Variants in EPB41L3 observed in about 807,000 individuals in gnomAD.
EPB41L3 encodes band 4.1-like protein 3.
Under a neutral mutation model 127.1 loss-of-function variants are expected in EPB41L3, and 57 were observed. That is an observed-to-expected ratio of 0.45 (90% CI 0.36 to 0.56). The LOEUF (loss-of-function observed/expected upper bound fraction) is 0.56. EPB41L3 is among the 20% of genes least tolerant of loss of function. The pLI is 0.00. For missense variants in EPB41L3, 1,273 were observed against 1,372.2 expected (o/e 0.93, Z 1.14); for synonymous variants, 572 against 549.5 (o/e 1.04, Z -0.57).
chr18:5,502,810 A>AGG (rs1478969272), intron 1 of EPB41L3, among the ~76,000 whole-genome samples: 1 of 152,240 alleles, frequency 6.6e-6, no homozygotes, highest in Non-Finnish European at 1.5e-5. Flanking sequence ...GGAAAAAATG[A>AGG]GGATACAGAG....
intron 9 of EPB41L3, among the ~76,000 whole-genome samples, chr18:5,427,174 T>C (rs1326601381): frequency 1.3e-5 from 2 of 152,088 alleles, no homozygotes; most frequent in East Asian, 3.9e-4. Context: ...CAGCCGATAT[T>C]CTGATTTTTT....
intron 3 of EPB41L3, among the ~76,000 whole-genome samples, chr18:5,560,672 G>A (rs529346357): frequency 1.3e-5 from 2 of 152,208 alleles, no homozygotes; most frequent in South Asian, 2.1e-4. Flanking sequence ...GATCAGGAAA[G>A]GGAACATTTG....
chr18:5,399,304 C>G (rs938042511), intron 16 of EPB41L3: 5 of 398,960 alleles, frequency 1.3e-5, no homozygotes, highest in African/African-American at 1.0e-4. Flanking sequence ...ACGGTCACCA[C>G]CTTGTAAGTC....
chr18:5,495,429 C>CAAT (rs33932743), intron 1 of EPB41L3, among the ~76,000 whole-genome samples: 41,272 of 142,668 alleles, frequency 0.29, 7,019 homozygotes, highest in African/African-American at 0.49. Context: ...CTAAATGAAA[C>CAAT]AGTAAGGCCA....
chr18:5,600,403 A>G (rs1353589686), intron 3 of EPB41L3, among the ~76,000 whole-genome samples: 1 of 152,208 alleles, frequency 6.6e-6, no homozygotes, highest in Non-Finnish European at 1.5e-5. Flanking sequence ...TGAGAGAATC[A>G]GAAGGAATGT....
At chr18:5,444,846 AC>A (rs760339650) in intron 4 of EPB41L3, among the ~76,000 whole-genome samples, 5 of 152,004 alleles carry the variant, frequency 3.3e-5, no homozygotes, top group Admixed American at 6.6e-5. Flanking sequence ...ACTCCCCCCA[AC>A]CCCACCCCGG....
At chr18:5,464,322 A>T (rs755808982) in intron 3 of EPB41L3, among the ~76,000 whole-genome samples, 12 of 152,164 alleles carry the variant, frequency 7.9e-5, no homozygotes, top group Non-Finnish European at 1.5e-4. Flanking sequence ...CTTACCCATT[A>T]TGCACAATCT....
chr18:5,419,455 C>T (rs1397562883), intron 12 of EPB41L3, among the ~76,000 whole-genome samples: 2 of 152,182 alleles, frequency 1.3e-5, no homozygotes, highest in African/African-American at 4.8e-5. Context: ...TTAAGATACA[C>T]ATACAGGACA....
intron 19 of EPB41L3, 63 bp from the exon 20 acceptor site, chr18:5,395,770 T>TCTTCAG (rs1340859606): frequency 7.7e-7 from 1 of 1,305,888 alleles, no homozygotes; most frequent in African/African-American, 1.5e-5. Flanking sequence ...AGAAGTTGGC[T>TCTTCAG]ACGTTATTTA....
intron 1 of EPB41L3, among the ~76,000 whole-genome samples, chr18:5,529,337 T>C (rs2093337569): frequency 6.6e-6 from 1 of 151,996 alleles, no homozygotes; most frequent in Admixed American, 6.6e-5. Flanking sequence ...TATATATATA[T>C]ATATCTTACC....
intron 3 of EPB41L3, among the ~76,000 whole-genome samples, chr18:5,581,190 A>G (rs193245623): frequency 4.3e-4 from 65 of 152,376 alleles, no homozygotes; most frequent in African/African-American, 1.5e-3. Flanking sequence ...ATGAAGTCTA[A>G]AATGTAACCA....
chr18:5,446,699 C>T (rs1034174839), intron 3 of EPB41L3, among the ~76,000 whole-genome samples: 1 of 152,026 alleles, frequency 6.6e-6, no homozygotes, highest in Admixed American at 6.6e-5. Flanking sequence ...GGAGAAAAGG[C>T]AAATTTATGG....
At chr18:5,537,388 C>A (rs893760946) in intron 1 of EPB41L3, among the ~76,000 whole-genome samples, 2 of 152,036 alleles carry the variant, frequency 1.3e-5, no homozygotes, top group Non-Finnish European at 1.5e-5. Flanking sequence ...AATACTCCCA[C>A]AAAAAGATGG....
intron 1 of EPB41L3, among the ~76,000 whole-genome samples, chr18:5,513,178 G>A (rs1283367848): frequency 6.6e-6 from 1 of 152,048 alleles, no homozygotes; most frequent in Non-Finnish European, 1.5e-5. Flanking sequence ...TTATTCCTAT[G>A]AGTAAAAGCT....
At chr18:5,404,504 A>G (rs2075040286) in intron 16 of EPB41L3, among the ~76,000 whole-genome samples, 1 of 152,190 alleles carries the variant, frequency 6.6e-6, no homozygotes, top group African/African-American at 2.4e-5. Context: ...CTGCACTAAC[A>G]CAGAAAAAGC....
chr18:5,610,320 C>T, intron 3 of EPB41L3: 1 of 985,208 alleles, frequency 1.0e-6, no homozygotes, highest in Non-Finnish European at 1.2e-6. Context: ...GAGAATGACA[C>T]TTCCCTCCTT....
chr18:5,566,809 A>ATTCTATTCTATTCTATTCT (rs1368570569), intron 3 of EPB41L3, among the ~76,000 whole-genome samples: 2 of 145,324 alleles, frequency 1.4e-5, no homozygotes, highest in East Asian at 2.1e-4. Flanking sequence ...ATTCCATTCT[A>ATTCTATTCTATTCTATTCT]ATTTTATTTT....
chr18:5,406,187 G>A (rs1212626640), intron 16 of EPB41L3, among the ~76,000 whole-genome samples: 1 of 152,100 alleles, frequency 6.6e-6, no homozygotes, highest in Admixed American at 6.5e-5. Flanking sequence ...GGAGGCGGAG[G>A]CTACAGTGAG....
At chr18:5,590,939 A>C (rs2094480117) in intron 3 of EPB41L3, among the ~76,000 whole-genome samples, 1 of 152,140 alleles carries the variant, frequency 6.6e-6, no homozygotes, top group Non-Finnish European at 1.5e-5. Context: ...AAGGGGTAGC[A>C]CATGGGAGTT....
Sources: gnomAD v4.1 joint callset for allele counts (sites outside exome capture counted in the v4.1 genomes callset) on GRCh38, gnomAD v4.1.1 for gene constraint, MANE v1.5 for transcripts, NCBI Gene and HGNC (gene_info 2026-07-23, HGNC 2026-07-21) for gene names.